Variants in STK3 observed in about 807,000 individuals in gnomAD.
STK3 encodes the protein serine/threonine kinase 3.
In STK3, 41 loss-of-function variants were observed where a neutral mutation model predicts 58.0. The observed-to-expected ratio is 0.71, with a 90% CI of 0.55 to 0.92. STK3 has a LOEUF of 0.92. Ranked by LOEUF, STK3 falls within the 40% of genes least tolerant of loss-of-function variation. The pLI, the probability that STK3 is intolerant of heterozygous loss-of-function variation, is 0.00. For synonymous variants in STK3, 170 were observed against 191.0 expected (o/e 0.89, Z 0.91); for missense variants, 479 against 602.7 (o/e 0.79, Z 2.15).
intron 6 of STK3, among the ~76,000 whole-genome samples, chr8:98,620,323 A>G (rs1818165535): frequency 1.8e-5 from 2 of 111,068 alleles, no homozygotes; most frequent in African/African-American, 3.5e-5. Flanking sequence ...TGGTGGGGTG[A>G]GGGGAGGGGG....
chr8:98,929,846 G>T (rs952455746), intron 1 of STK3, among the ~76,000 whole-genome samples: 11 of 152,246 alleles, frequency 7.2e-5, no homozygotes, highest in African/African-American at 2.6e-4. Context: ...AAAGTGCTTG[G>T]TCAGCAAGAA....
At chr8:98,515,495 C>G (rs1392943382) in intron 10 of STK3, among the ~76,000 whole-genome samples, 1 of 152,096 alleles carries the variant, frequency 6.6e-6, no homozygotes, top group Middle Eastern at 3.2e-3. Context: ...TTCGAATGGG[C>G]TTCAGTTTTG....
intron 3 of STK3, among the ~76,000 whole-genome samples, chr8:98,845,525 G>C (rs940294045): frequency 9.9e-5 from 15 of 152,162 alleles, no homozygotes; most frequent in Admixed American, 5.2e-4. Flanking sequence ...GGTATTTGGT[G>C]TTACTCAGAA....
At chr8:98,695,072 G>C (rs1316072706) in intron 6 of STK3, among the ~76,000 whole-genome samples, 2 of 152,176 alleles carry the variant, frequency 1.3e-5, no homozygotes, top group Non-Finnish European at 2.9e-5. Context: ...GTCTCATTGT[G>C]GTTTTGGTTT....
At chr8:98,427,409 G>A (rs1818252120) in intron 3 of STK3, 1 of 152,116 alleles carries the variant, frequency 6.6e-6, no homozygotes, top group East Asian at 1.9e-4. Flanking sequence ...CCGGGGCATA[G>A]CGCCAGGCCG....
At chr8:98,889,518 T>C (rs1012041233) in intron 1 of STK3, among the ~76,000 whole-genome samples, 8 of 152,236 alleles carry the variant, frequency 5.3e-5, no homozygotes, top group Non-Finnish European at 1.2e-4. Flanking sequence ...TGTTTAAATG[T>C]GACAACCTTT....
At chr8:98,371,641 C>G (rs1013051311) in exon 3 of STK3, 1 of 152,234 alleles carries the variant, frequency 6.6e-6, no homozygotes, top group African/African-American at 2.4e-5. Context: ...CAGGACCTGG[C>G]AAGTCTTCAG....
chr8:98,699,394 A>G (rs9772933), intron 6 of STK3, among the ~76,000 whole-genome samples: 2,010 of 141,328 alleles, frequency 0.014, 14 homozygotes, highest in East Asian at 0.1. Flanking sequence ...GCTTTGTTCC[A>G]TTGCTGGTGA....
At chr8:98,811,730 T>C (rs1479121468) in intron 1 of STK3, among the ~76,000 whole-genome samples, 2 of 152,214 alleles carry the variant, frequency 1.3e-5, no homozygotes, top group African/African-American at 2.4e-5. Flanking sequence ...AAATTATACA[T>C]TGAGGAGTCT....
intron 1 of STK3, among the ~76,000 whole-genome samples, chr8:98,804,827 T>C (rs1430772253): frequency 6.6e-6 from 1 of 151,994 alleles, no homozygotes; most frequent in Non-Finnish European, 1.5e-5. Flanking sequence ...TCAATAGCAA[T>C]TTCATTTATG....
At chr8:98,644,990 T>C (rs1440244113) in intron 6 of STK3, among the ~76,000 whole-genome samples, 1 of 152,164 alleles carries the variant, frequency 6.6e-6, no homozygotes, top group African/African-American at 2.4e-5. Flanking sequence ...GCCTCCGTGG[T>C]TAAGATTTAC....
chr8:98,852,705 T>C (rs2131833665), intron 3 of STK3, among the ~76,000 whole-genome samples: 1 of 152,356 alleles, frequency 6.6e-6, no homozygotes, highest in East Asian at 1.9e-4. Context: ...CAAATCTCCT[T>C]ACATGTTTAT....
At chr8:98,408,161 T>C (rs759230764) in intron 3 of STK3, among the ~76,000 whole-genome samples, 4 of 152,154 alleles carry the variant, frequency 2.6e-5, no homozygotes, top group African/African-American at 7.2e-5. Flanking sequence ...AGAACCTCAA[T>C]TGGCCATTTG....
intron 9 of STK3, among the ~76,000 whole-genome samples, chr8:98,544,811 G>A (rs1281352203): frequency 1.3e-5 from 2 of 152,004 alleles, no homozygotes; most frequent in Non-Finnish European, 2.9e-5. Flanking sequence ...GACAAACTTC[G>A]TGACTTATCT....
At chr8:98,448,927 G>A (rs757240735) in intron 1 of STK3, among the ~76,000 whole-genome samples, 3 of 152,028 alleles carry the variant, frequency 2.0e-5, no homozygotes, top group Non-Finnish European at 4.4e-5. Context: ...TAGTAAAAAT[G>A]GAAAAATACA....
chr8:98,362,385 C>T, the STK3 span, among the ~76,000 whole-genome samples: 14 of 152,270 alleles, frequency 9.2e-5, no homozygotes, highest in African/African-American at 3.4e-4. Flanking sequence ...TGGCGTGCCA[C>T]TGTCTGCACA....
chr8:98,890,181 C>T (rs763952142), intron 1 of STK3, among the ~76,000 whole-genome samples: 1 of 152,226 alleles, frequency 6.6e-6, no homozygotes, highest in Non-Finnish European at 1.5e-5. Flanking sequence ...CACTCCAGTG[C>T]TCTGGCCCTT....
intron 1 of STK3, among the ~76,000 whole-genome samples, chr8:98,791,764 T>G (rs942728833): frequency 1.3e-5 from 2 of 152,110 alleles, no homozygotes; most frequent in South Asian, 4.1e-4. Context: ...ACAAGCCACA[T>G]GTAGGAGAAT....
intron 1 of STK3, among the ~76,000 whole-genome samples, chr8:98,911,657 G>C (rs1338524129): frequency 6.6e-6 from 1 of 152,128 alleles, no homozygotes; most frequent in African/African-American, 2.4e-5. Context: ...GCCTCCCAAA[G>C]TGCTGGGATT....
Sources: allele counts gnomAD v4.1 joint callset (sites outside exome capture counted in the v4.1 genomes callset), GRCh38; gene constraint gnomAD v4.1.1; transcripts MANE v1.5; gene names NCBI Gene and HGNC (gene_info 2026-07-23, HGNC 2026-07-21).